Variants in RGS21 observed in about 807,000 individuals in gnomAD.
RGS21 encodes regulator of G-protein signalling 21.
A neutral mutation model predicts 18.7 loss-of-function variants in RGS21; 19 were observed. That is an observed-to-expected ratio of 1.01 (90% confidence interval 0.71 to 1.49). The LOEUF (loss-of-function observed/expected upper bound fraction) is 1.49, where lower values mean the gene tolerates loss of function less well. Ranked by LOEUF, RGS21 falls within the 40% of genes most tolerant of loss-of-function variation. The pLI, the probability that RGS21 is intolerant of heterozygous loss-of-function variation, is 0.00. For missense variants in RGS21, 194 were observed against 176.8 expected, an observed-to-expected ratio of 1.10 and a Z score of -0.55; for synonymous variants, 56 against 57.8, an observed-to-expected ratio of 0.97 and a Z score of 0.14.
intron 1 of RGS21, among the ~76,000 whole-genome samples, chr1:192,319,410 T>C (rs1658464914): frequency 6.6e-6 from 1 of 152,148 alleles, no homozygotes; most frequent in South Asian, 2.1e-4. Context: ...TGCTATAGGT[T>C]ATCCAAAAAT....
At chr1:192,359,267 C>T (rs1659150565) in intron 4 of RGS21, among the ~76,000 whole-genome samples, 1 of 151,938 alleles carries the variant, frequency 6.6e-6, no homozygotes, top group South Asian at 2.1e-4. Context: ...ATACATGTGG[C>T]ACTGTTTTTT....
In RGS21 at chr1:192,366,183, G is replaced by C; in HGVS notation, c.*59G>C. 1 of 963,164 alleles carries C rather than the reference G, an allele frequency of 1.0e-6. No individual in the cohort carries two copies. Among genetic ancestry groups the C allele is most frequent in the Non-Finnish European group, 1.6e-6 (1 of 618,356 alleles). 59.7% of individuals were successfully genotyped at this position (963,164 alleles called of 1,614,324 possible). A position where few individuals can be genotyped will look rare whatever the true frequency, so the allele number is the denominator to read the frequency against. On this transcript the variant is annotated 3_prime_UTR_variant, in exon 5 of 5. Transcript: ENST00000417209. Reference sequence around the variant, plus strand: ...GGGCTACAATATTTTAAATATACAAGCATGATGCATTGTCTTTTGTTTTGT... The same window carrying C: ...GGGCTACAATATTTTAAATATACAACCATGATGCATTGTCTTTTGTTTTGT...
chr1:192,360,629 C>A (rs975561331), intron 4 of RGS21, among the ~76,000 whole-genome samples: 2 of 152,050 alleles, frequency 1.3e-5, no homozygotes, highest in Admixed American at 1.3e-4. Context: ...TTACATTAGT[C>A]CCTGACTTAA....
intron 3 of RGS21, among the ~76,000 whole-genome samples, chr1:192,351,422 T>C (rs565935424): frequency 3.9e-5 from 6 of 152,208 alleles, no homozygotes; most frequent in African/African-American, 1.2e-4. Context: ...CATCAGACTT[T>C]GTTTCTGCAC....
In RGS21 at chr1:192,351,984, C is replaced by A. The variant is rs139527916; in HGVS notation, c.89-63C>A. 3.6e-3 allele frequency: 3,112 copies of A among 854,484 alleles called. 72 individuals carry two copies. In the East Asian group the frequency reaches 0.06, roughly 16 times the overall value. The allele number at this position is 854,484 out of a possible 1,614,324, so 52.9% of individuals were successfully genotyped here. A position where few individuals can be genotyped will look rare whatever the true frequency, so the allele number is the denominator to read the frequency against. On this transcript the variant is annotated intron_variant, in intron 3 of 4. Coordinates refer to ENST00000417209, the MANE Select transcript of RGS21 (RefSeq NM_001039152.3). ...AAATGCTCATATTATACAATGTACT[C>A]ATTTTGGTCATATTACTACTCTGTA...
intron 1 of RGS21, among the ~76,000 whole-genome samples, chr1:192,333,507 A>G (rs1422494691): frequency 2.0e-5 from 3 of 152,066 alleles, no homozygotes; most frequent in Non-Finnish European, 4.4e-5. Flanking sequence ...ATAAAAAGGC[A>G]AGGGCTAGTC....
At chr1:192,339,277 T>G (rs1223450126) in intron 1 of RGS21, among the ~76,000 whole-genome samples, 1 of 152,060 alleles carries the variant, frequency 6.6e-6, no homozygotes, top group African/African-American at 2.4e-5. Flanking sequence ...TATGATACTT[T>G]TGCTTAAATT....
At chr1:192,347,433 A>G in intron 3 of RGS21, 44 bp downstream of exon 3, 1 of 902,354 alleles carries the variant, frequency 1.1e-6, no homozygotes, top group Non-Finnish European at 1.8e-6. Context: ...ATAATTAAAT[A>G]TAAATTATTA....
chr1:192,351,654 T>C (rs1659041291), intron 3 of RGS21, among the ~76,000 whole-genome samples: 1 of 148,510 alleles, frequency 6.7e-6, no homozygotes, highest in Non-Finnish European at 1.5e-5. Context: ...ATATATATGC[T>C]ATATATATAA....
chr1:192,367,269 A>G lies in RGS21; in HGVS notation c.*1145A>G, dbSNP rs939871925. 2 of 123,680 alleles carry G rather than the reference A, an allele frequency of 1.6e-5. No homozygotes were observed. The highest frequency in any genetic ancestry group is 3.9e-5 in the Non-Finnish European group (2 of 51,182). The allele number at this position is 123,680 out of a possible 1,614,324, so 7.7% of individuals were successfully genotyped here. On this transcript the variant is annotated 3_prime_UTR_variant, in exon 5 of 5. Transcript: ENST00000417209. ...CTTCCCTTCATCATGAGAAATAAAC[A>G]TTTAAACATATTCAAATGGAATATT...
chr1:192,323,813 A>G (rs985914967), intron 1 of RGS21, among the ~76,000 whole-genome samples: 1 of 152,142 alleles, frequency 6.6e-6, no homozygotes, highest in African/African-American at 2.4e-5. Flanking sequence ...AGTAGAATGC[A>G]TAGGTTCAGA....
chr1:192,347,411 G>T (rs776504329), intron 3 of RGS21, 22 bp downstream of exon 3: 2 of 1,117,036 alleles, frequency 1.8e-6, no homozygotes, highest in South Asian at 1.3e-5. Context: ...CTAATAATAG[G>T]CTTAAAATAC....
chr1:192,331,707 T>C (rs1211824436), intron 1 of RGS21, among the ~76,000 whole-genome samples: 1 of 151,918 alleles, frequency 6.6e-6, no homozygotes, highest in Non-Finnish European at 1.5e-5. Flanking sequence ...TTTGATAAAA[T>C]ACTAGAAGAT....
At chr1:192,333,694 G>C (rs1471424529) in intron 1 of RGS21, among the ~76,000 whole-genome samples, 1 of 146,324 alleles carries the variant, frequency 6.8e-6, no homozygotes, top group Admixed American at 6.9e-5. Context: ...ATGATGCAGA[G>C]AAGGTACTAT....
chr1:192,321,706 A>G (rs1450064884), intron 1 of RGS21, among the ~76,000 whole-genome samples: 1 of 152,064 alleles, frequency 6.6e-6, no homozygotes. Context: ...ATGTACAATT[A>G]GTATAAATCA....
At chr1:192,339,945 ATATT>A (rs1303964993) in intron 1 of RGS21, among the ~76,000 whole-genome samples, 1 of 151,994 alleles carries the variant, frequency 6.6e-6, no homozygotes, top group Non-Finnish European at 1.5e-5. Context: ...AATAAAACAT[ATATT>A]TATATTATAT....
intron 4 of RGS21, among the ~76,000 whole-genome samples, chr1:192,359,776 C>CTA (rs1430006823): frequency 8.1e-5 from 11 of 136,414 alleles, no homozygotes; most frequent in African/African-American, 2.4e-4. Context: ...CTTTCTCTCT[C>CTA]TCTCTCTATA....
chr1:192,363,123 G>A (rs1349432133), intron 4 of RGS21, among the ~76,000 whole-genome samples: 4 of 152,150 alleles, frequency 2.6e-5, no homozygotes, highest in African/African-American at 7.2e-5. Context: ...AAGTGGAATT[G>A]TCTAGCTTGA....
chr1:192,332,024 C>A (rs1034144615), intron 1 of RGS21, among the ~76,000 whole-genome samples: 2 of 151,802 alleles, frequency 1.3e-5, no homozygotes, highest in African/African-American at 4.8e-5. Flanking sequence ...TGAGGGCTTA[C>A]CATGGTAAAA....
Sources: allele counts gnomAD v4.1 joint callset (sites outside exome capture counted in the v4.1 genomes callset), GRCh38; gene constraint gnomAD v4.1.1; transcripts MANE v1.5; gene names NCBI Gene and HGNC (gene_info 2026-07-23, HGNC 2026-07-21).